The following PFAS variants were observed in gnomAD, a reference collection of about 807,000 sequenced individuals.
PFAS encodes the protein phosphoribosylformylglycinamidine synthase.
A neutral mutation model predicts 140.6 loss-of-function variants in PFAS; 97 were observed. The observed-to-expected ratio is 0.69, with a 90% CI of 0.59 to 0.82. The LOEUF (loss-of-function observed/expected upper bound fraction) is 0.82, where lower values mean the gene tolerates loss of function less well. PFAS is among the 40% of genes least tolerant of loss of function. The pLI is 0.00. For synonymous variants in PFAS, 679 were observed against 718.8 expected (o/e 0.94, Z 0.88); for missense variants, 1,656 against 1,780.2 (o/e 0.93, Z 1.26).
intron 11 of PFAS, among the ~76,000 whole-genome samples, chr17:8,262,657 A>C (rs909594266): frequency 6.6e-6 from 1 of 152,090 alleles, no homozygotes; most frequent in Non-Finnish European, 1.5e-5. Context: ...TTAGCCGGGC[A>C]CGATAGCAGG....
intron 1 of PFAS, among the ~76,000 whole-genome samples, chr17:8,253,035 C>T (rs1332708339): frequency 6.6e-6 from 1 of 152,114 alleles, no homozygotes; most frequent in Non-Finnish European, 1.5e-5. Context: ...CTCCAAATAC[C>T]ATAACATTGA....
chr17:8,260,781 C>T (rs1363557381), intron 11 of PFAS, among the ~76,000 whole-genome samples: 6 of 152,132 alleles, frequency 3.9e-5, no homozygotes, highest in African/African-American at 1.4e-4. Flanking sequence ...CCCACCACCA[C>T]GCCCGGCTAA....
chr17:8,266,915 G>A lies in PFAS; in HGVS notation c.2967+17G>A. ...CACGCCATGGTGAGGAAGTGAGGGA[G>A]AGAGCGGTGTGCAGTGGGCAGTCAG... On this transcript the variant is annotated intron_variant, in intron 23 of 27. Transcript: ENST00000314666. This position sits in a 1 kb window ranked among gnomAD's most constrained non-coding sequence, Gnocchi z 5.0. The A allele has an allele frequency of 1.9e-6, 3 of 1,600,636 alleles. No individual in the cohort carries two copies. The highest frequency in any genetic ancestry group is 2.5e-6 in the Non-Finnish European group (3 of 1,176,546).
chr17:8,260,685 C>T (rs145956592), intron 11 of PFAS, among the ~76,000 whole-genome samples: 18 of 152,314 alleles, frequency 1.2e-4, no homozygotes, highest in East Asian at 3.9e-4. Context: ...AGCGTAATGG[C>T]GCTTTCTCGG....
intron 13 of PFAS, 103 bp from the exon 14 acceptor site, chr17:8,263,472 C>T: frequency 9.0e-7 from 1 of 1,116,918 alleles, no homozygotes; most frequent in Non-Finnish European, 1.4e-6. Context: ...CAGCAGTTGA[C>T]ACAGGAACAC....
intron 26 of PFAS, among the ~76,000 whole-genome samples, chr17:8,268,002 T>C (rs1989896396): frequency 7.2e-6 from 1 of 139,010 alleles, no homozygotes; most frequent in African/African-American, 2.7e-5. Flanking sequence ...TTAAAATATA[T>C]TATTTATATA....
chr17:8,248,801 T>C (rs1416711568), upstream of PFAS, among the ~76,000 whole-genome samples: 3 of 152,066 alleles, frequency 2.0e-5, no homozygotes, highest in Admixed American at 2.0e-4. Context: ...TCAAGCGATC[T>C]GCCCGCCTCG....
At chr17:8,262,095 G>A (rs1989617240) in intron 11 of PFAS, among the ~76,000 whole-genome samples, 2 of 151,500 alleles carry the variant, frequency 1.3e-5, no homozygotes, top group Admixed American at 6.6e-5. Context: ...TCTTTTTGAT[G>A]CTACTGTAAA....
intron 1 of PFAS, 28 bp from the exon 2 acceptor site, chr17:8,253,831 G>A (rs911034673): frequency 3.6e-5 from 53 of 1,453,550 alleles, no homozygotes; most frequent in Admixed American, 1.8e-4. Context: ...GAGCCACCAC[G>A]CCCGGCTTAG....
chr17:8,257,060 G>A, intron 9 of PFAS, 97 bp downstream of exon 9: 2 of 1,356,258 alleles, frequency 1.5e-6, no homozygotes, highest in Non-Finnish European at 1.1e-6. Context: ...GTTATCCTGT[G>A]TGCCTTTTCT....
rs757718961 is a variant in PFAS at position 8,255,673 on chromosome 17, A to C, written c.556A>C (p.Lys186Gln). 1.9e-6 allele frequency: 3 copies of C among 1,582,688 alleles called. No individual in the cohort carries two copies. In the East Asian group the frequency reaches 6.7e-5, roughly 35 times the overall value. Reference protein sequence around the residue: ...ILGEGRLALEKANQELGLALD... With the variant: ...ILGEGRLALEQANQELGLALD... ...GGGTGAGGGCCGGCTTGCGCTGGAG[A>C]AGGCCAACCAGGAGCTTGGTGAGTA... is the stretch of plus-strand genomic sequence containing the variant. Residue 186 changes from lysine (K) to glutamine (Q), a missense_variant, in exon 5 of 28, where the codon AAG (lysine) becomes CAG (glutamine). Lys to Gln is a moderately conservative substitution (Grantham distance 53). Transcript: ENST00000314666.
At position 8,266,749 on chromosome 17, in the gene PFAS, C is replaced by T; in HGVS notation, c.2822-4C>T. 1 of 1,598,462 alleles carries T rather than the reference C, an allele frequency of 6.3e-7. No individual in the cohort carries two copies. The highest frequency in any genetic ancestry group is 8.5e-7 in the Non-Finnish European group (1 of 1,173,246). ...CCCCCTGACTCCCCACATTGCTCTC[C>T]CAGTCCTGTCTGTGCTGTTCGCTGA... On this transcript the variant is annotated splice_region_variant and splice_polypyrimidine_tract_variant and intron_variant, in intron 22 of 27. Coordinates refer to ENST00000314666, the MANE Select transcript of PFAS (RefSeq NM_012393.3). This position sits in a 1 kb window ranked among gnomAD's most constrained non-coding sequence, Gnocchi z 5.0.
chr17:8,261,296 G>A (rs1172771096), intron 11 of PFAS, among the ~76,000 whole-genome samples: 8 of 151,710 alleles, frequency 5.3e-5, no homozygotes, highest in Non-Finnish European at 1.0e-4. Flanking sequence ...GAGTGCAATG[G>A]CGCAATCTCA....
intron 13 of PFAS, 137 bp from the exon 14 acceptor site, chr17:8,263,438 G>A: frequency 9.9e-7 from 1 of 1,005,964 alleles, no homozygotes; most frequent in South Asian, 1.4e-5. Flanking sequence ...TGCTGCCGTG[G>A]GATGATTGGT....
intron 16 of PFAS, 48 bp downstream of exon 16, chr17:8,264,385 C>T (rs763009665): frequency 6.2e-7 from 1 of 1,612,196 alleles, no homozygotes; most frequent in Non-Finnish European, 8.5e-7. Context: ...CTCTCCACAC[C>T]ACCCTTTACC....
intron 11 of PFAS, 43 bp from the exon 12 acceptor site, chr17:8,262,877 C>A: frequency 6.6e-7 from 1 of 1,514,606 alleles, no homozygotes; most frequent in African/African-American, 1.4e-5. Flanking sequence ...GGCCTCTTCT[C>A]GTGGCTTCCC....
Position 8,267,680 on chromosome 17 carries a change from T to C in PFAS, c.3382+15T>C. The C allele has an allele frequency of 2.9e-6, 4 of 1,368,814 alleles. No individual in the cohort carries two copies. The highest frequency in any genetic ancestry group is 4.2e-6 in the Non-Finnish European group (4 of 961,430). 84.8% of individuals were successfully genotyped at this position (1,368,814 alleles called of 1,614,324 possible). On this transcript the variant is annotated intron_variant, in intron 26 of 27. Transcript: ENST00000314666. The surrounding 1 kb of genome is among the most constrained non-coding windows in gnomAD (Gnocchi z 4.9). ...CTCTGCCAAAGGTCAGTGTGCAGGC[T>C]TCTGCCCACTCCCTTCCCCCACATT...
At position 8,262,981 on chromosome 17, in the gene PFAS, T is replaced by A. The variant is rs1396314546; in HGVS notation, c.1398T>A (p.Ala466=). The A allele has an allele frequency of 6.2e-7, 1 of 1,613,904 alleles. No individual in the cohort carries two copies. The change falls in exon 12 of 28, where the codon GCT becomes GCA. Residue 466 remains alanine, a synonymous_variant. Transcript: ENST00000314666. The part of the protein sequence containing the change: ...VYRIGVGGGA[A]SSVQVQGDNT... ...GGATTGGAGTTGGAGGTGGAGCTGC[T>A]TCATCTGTGCAGGTGAGTGGGAATT...
rs183954034 is a variant in PFAS at position 8,253,965 on chromosome 17, C to T, written c.28C>T (p.Arg10Cys). Residue 10 changes from arginine (R) to cysteine (C), a missense_variant, in exon 2 of 28, where the codon CGT (arginine) becomes TGT (cysteine). Physicochemically the swap from Arg to Cys is radical, Grantham distance 180. This residue lies in a region of PFAS where 773 missense variants were observed against 757.3 expected (regional missense o/e 1.02). Transcript: ENST00000314666. ...GTCCCCAGTCCTTCACTTCTATGTT[C>T]GTCCCTCTGGCCATGAGGGGGCAGC... Reference protein sequence around the residue: MSPVLHFYVRPSGHEGAAPG... With the variant: MSPVLHFYVCPSGHEGAAPG... 31 of 1,613,894 alleles carry T rather than the reference C, an allele frequency of 1.9e-5. No individual in the cohort carries two copies. The highest frequency in any genetic ancestry group is 2.6e-5 in the Non-Finnish European group (31 of 1,179,842).
Sources: gnomAD v4.1 joint callset for allele counts (sites outside exome capture counted in the v4.1 genomes callset) on GRCh38, gnomAD v4.1.1 for gene constraint, gnomAD v4.1.1 regional missense constraint, Gnocchi (gnomAD v3.1) non-coding constraint, MANE v1.5 for transcripts, NCBI Gene and HGNC (gene_info 2026-07-23, HGNC 2026-07-21) for gene names.